LMTK2: variants seen among roughly 807,000 people sequenced by gnomAD.
LMTK2 encodes serine/threonine-protein kinase LMTK2.
LMTK2 carries 37 observed loss-of-function variants against 127.5 expected under a neutral mutation model. The ratio of observed to expected loss-of-function variants is 0.29; its 90% confidence interval spans 0.22 to 0.38. The LOEUF (loss-of-function observed/expected upper bound fraction) is 0.38. Among genes scored for constraint, LMTK2 ranks in the 10% least tolerant of loss-of-function variants. The pLI is 1.00. For synonymous variants in LMTK2, 819 were observed against 810.1 expected, an observed-to-expected ratio of 1.01 and a Z score of -0.19; for missense variants, 1,694 against 1,920.3, an observed-to-expected ratio of 0.88 and a Z score of 2.20.
chr7:98,117,249 T>C (rs1001153600), intron 1 of LMTK2, among the ~76,000 whole-genome samples: 2 of 152,224 alleles, frequency 1.3e-5, no homozygotes, highest in African/African-American at 4.8e-5. Flanking sequence ...CTTTTCTTTT[T>C]TTCTTCCTCT....
rs776456341 is a variant in LMTK2, at chr7:98,191,600, C to G, written c.1149-14C>G. ...CGTGATGGTTCCACTGATTGCTTGTCGTGTGCTGCTCAGGTATGAAGTCTT... is the reference window on the plus strand; with the variant it reads ...CGTGATGGTTCCACTGATTGCTTGTGGTGTGCTGCTCAGGTATGAAGTCTT... On this transcript the variant is annotated splice_polypyrimidine_tract_variant and intron_variant, in intron 10 of 13. Transcript: ENST00000297293. 1 of 1,550,340 alleles carries G rather than the reference C, an allele frequency of 6.5e-7. No homozygotes were observed. The highest frequency in any genetic ancestry group is 2.0e-5 in the Admixed American group (1 of 49,006).
In LMTK2 at chr7:98,110,985, G is replaced by A. The variant is rs189685694; in HGVS notation, c.103+3705G>A. On this transcript the variant is annotated intron_variant, in intron 1 of 13. Transcript: ENST00000297293. ...AATTACTGTGTTTAACAGCCTCTGG[G>A]AAAATTATTTTCAACAGGCTTTCTA... Among the ~76,000 whole-genome samples, 217 of 152,322 alleles carry A rather than the reference G, an allele frequency of 1.4e-3. 1 individual carries two copies. Among genetic ancestry groups the A allele is most frequent in the Middle Eastern group, 6.8e-3 (2 of 294 alleles).
intron 1 of LMTK2, among the ~76,000 whole-genome samples, chr7:98,121,939 A>G (rs1796367337): frequency 6.6e-6 from 1 of 152,076 alleles, no homozygotes; most frequent in African/African-American, 2.4e-5. Flanking sequence ...TGAGAGGTCT[A>G]GGCTGTGTTC....
chr7:98,145,319 T>C (rs959953117), intron 3 of LMTK2, among the ~76,000 whole-genome samples: 3 of 152,190 alleles, frequency 2.0e-5, no homozygotes, highest in African/African-American at 7.2e-5. Flanking sequence ...AAAGGATTTT[T>C]GATGCACAGG....
intron 9 of LMTK2, 38 bp from the exon 10 acceptor site, chr7:98,190,690 A>C (rs371504942): frequency 2.3e-5 from 37 of 1,610,464 alleles, no homozygotes; most frequent in Non-Finnish European, 3.0e-5. Context: ...TTTGACATCT[A>C]AAGGGAGAGA....
chr7:98,175,357 T>G (rs962902724), intron 7 of LMTK2, among the ~76,000 whole-genome samples: 2 of 152,136 alleles, frequency 1.3e-5, no homozygotes, highest in African/African-American at 2.4e-5. Context: ...AAATGTCAGA[T>G]AGTCCAGTGT....
chr7:98,164,808 GA>G (rs1020562238), intron 6 of LMTK2, among the ~76,000 whole-genome samples: 4 of 152,322 alleles, frequency 2.6e-5, no homozygotes, highest in African/African-American at 7.2e-5. Context: ...AGAGAAAAAG[GA>G]GGATGTAGAC....
chr7:98,157,923 T>C (rs1359428007), intron 5 of LMTK2, among the ~76,000 whole-genome samples: 2 of 152,194 alleles, frequency 1.3e-5, no homozygotes, highest in Admixed American at 6.5e-5. Flanking sequence ...AGACCTGGCA[T>C]GGAGCCCTGC....
At chr7:98,148,488 G>A (rs375420560) in intron 3 of LMTK2, among the ~76,000 whole-genome samples, 5 of 138,922 alleles carry the variant, frequency 3.6e-5, no homozygotes, top group South Asian at 2.3e-4. Context: ...GCGAGACTCC[G>A]TCTCAAAAAA....
chr7:98,174,103 GTAAAA>G (rs1399807083), intron 7 of LMTK2, among the ~76,000 whole-genome samples: 1 of 88,398 alleles, frequency 1.1e-5, no homozygotes, highest in African/African-American at 3.5e-5. Flanking sequence ...TCATTTTGTT[GTAAAA>G]AAAAAAAAAA....
chr7:98,168,387 AG>A (rs1425785816), intron 6 of LMTK2, among the ~76,000 whole-genome samples: 3 of 152,224 alleles, frequency 2.0e-5, no homozygotes, highest in African/African-American at 7.2e-5. Flanking sequence ...GAGGGAAGCG[AG>A]GCCCCGGGCT....
chr7:98,188,605 A>C (rs1797474851), intron 9 of LMTK2, among the ~76,000 whole-genome samples: 1 of 151,986 alleles, frequency 6.6e-6, no homozygotes, highest in Non-Finnish European at 1.5e-5. Flanking sequence ...ACCCTCCTTC[A>C]TTTCCGAAGG....
At chr7:98,188,646 G>T (rs1797475700) in intron 9 of LMTK2, among the ~76,000 whole-genome samples, 2 of 152,126 alleles carry the variant, frequency 1.3e-5, no homozygotes, top group Admixed American at 1.3e-4. Context: ...GTTCTTGGCT[G>T]CCAATTTCAG....
At chr7:98,168,403 G>A (rs1797135198) in intron 6 of LMTK2, among the ~76,000 whole-genome samples, 1 of 152,230 alleles carries the variant, frequency 6.6e-6, no homozygotes. Flanking sequence ...CGGGCTTCGC[G>A]GAGGCGTGGC....
At chr7:98,133,266 C>T (rs78082529) in intron 1 of LMTK2, among the ~76,000 whole-genome samples, 1,599 of 152,218 alleles carry the variant, frequency 0.011, 9 homozygotes, top group Middle Eastern at 0.031. Flanking sequence ...CGACGTATGC[C>T]CTTCTCAGTG....
At position 98,205,639 on chromosome 7, in the gene LMTK2, T is replaced by A; in HGVS notation, c.*147T>A. ...CAGAGGTGAAGAGGGAGACGGCTCT[T>A]AGCTGCGTTCAAGGCGGGGCCCTCG... On this transcript the variant is annotated 3_prime_UTR_variant, in exon 14 of 14. Transcript: ENST00000297293. The A allele has an allele frequency of 6.8e-6, 6 of 879,596 alleles. No individual in the cohort carries two copies. The South Asian group carries it at 9.0e-5, about 13-fold the overall frequency. The allele number at this position is 879,596 out of a possible 1,614,324, so 54.5% of individuals were successfully genotyped here.
chr7:98,205,557 A>T lies in LMTK2; in HGVS notation c.*65A>T. ...CCTGGAGCGGCGCCCCTGCGCCCTC[A>T]GCCCGAGCAGCGACATCCACTCGCC... On this transcript the variant is annotated 3_prime_UTR_variant, in exon 14 of 14. Transcript: ENST00000297293. 6.5e-7 allele frequency: 1 copy of T among 1,544,476 alleles called. No individual in the cohort carries two copies. Among genetic ancestry groups the T allele is most frequent in the Non-Finnish European group, 8.9e-7 (1 of 1,127,346 alleles).
rs1797199750 is a variant in LMTK2 at position 98,171,998 on chromosome 7, C to G, written c.791+324C>G. ...CCTCGCGTGTTTCATCCTTGCCACACCAGCTTTAGGCTTCTGGTGCCACCC... is the reference window on the plus strand; with the variant it reads ...CCTCGCGTGTTTCATCCTTGCCACAGCAGCTTTAGGCTTCTGGTGCCACCC... On this transcript the variant is annotated intron_variant, in intron 7 of 13. Coordinates refer to ENST00000297293, the MANE Select transcript of LMTK2 (RefSeq NM_014916.4). This position sits in a 1 kb window ranked among gnomAD's most constrained non-coding sequence, Gnocchi z 5.1. Among the ~76,000 whole-genome samples the G allele has an allele frequency of 6.6e-6, 1 of 152,234 alleles. No homozygotes were observed. Among genetic ancestry groups the G allele is most frequent in the Admixed American group, 6.5e-5 (1 of 15,278 alleles).
In LMTK2 at chr7:98,192,174, C is replaced by T. The variant is rs142084015; in HGVS notation, c.1709C>T (p.Ala570Val). The change falls in exon 11 of 14, where the codon GCG becomes GTG. Residue 570 changes from alanine (A) to valine (V), a missense_variant. Around this residue, in one of 8 missense-constraint regions of LMTK2, gnomAD observed 527 missense variants for 539.8 expected, o/e 0.98. Transcript: ENST00000297293. ...AACTTGGAGCTTGATTACCCACCAG[C>T]GCTGCTCACAACCGACATGGATAAT... is the stretch of plus-strand genomic sequence containing the variant. ...GSNLELDYPP[A>V]LLTTDMDNPE... 68 of 1,527,216 alleles carry T rather than the reference C, an allele frequency of 4.5e-5. No homozygotes were observed. In the African/African-American group the frequency reaches 5.0e-4, roughly 11 times the overall value. 94.6% of individuals were successfully genotyped at this position (1,527,216 alleles called of 1,614,324 possible). A position where few individuals can be genotyped will look rare whatever the true frequency, so the allele number is the denominator to read the frequency against.
Sources: gnomAD v4.1 joint callset for allele counts (sites outside exome capture counted in the v4.1 genomes callset) on GRCh38, gnomAD v4.1.1 for gene constraint, gnomAD v4.1.1 regional missense constraint, Gnocchi (gnomAD v3.1) non-coding constraint, MANE v1.5 for transcripts, NCBI Gene and HGNC (gene_info 2026-07-23, HGNC 2026-07-21) for gene names.